ADGRG6: variants seen among roughly 807,000 people sequenced by gnomAD.
The protein encoded by ADGRG6 is G-protein coupled receptor 126.
In ADGRG6, 84 loss-of-function variants were observed where a neutral mutation model predicts 142.4. The ratio of observed to expected loss-of-function variants is 0.59; its 90% CI spans 0.49 to 0.71. The LOEUF (loss-of-function observed/expected upper bound fraction) is 0.71, where lower values mean the gene tolerates loss of function less well. Among genes scored for constraint, ADGRG6 ranks in the 30% least tolerant of loss-of-function variants. The pLI is 0.00. For missense variants in ADGRG6, 1,367 were observed against 1,466.6 expected (o/e 0.93, Z 1.11); for synonymous variants, 521 against 520.5 (o/e 1.00, Z -0.01).
Position 142,415,827 on chromosome 6 carries a change from T to C in ADGRG6, c.2701T>C (p.Leu901=), listed in dbSNP as rs759367680. The change falls in exon 20 of 25, where the codon TTG becomes CTG. Residue 901 remains leucine (L), a synonymous_variant. Transcript: ENST00000367609. ...KLRRDYPSKI[L]MNLSTALLFL... is the part of the protein sequence containing the mutation. Reference sequence around the variant, plus strand: ...GCGAAGGGATTATCCCTCCAAAATCTTGATGAACCTGAGCACAGCCCTGCT... The same window carrying C: ...GCGAAGGGATTATCCCTCCAAAATCCTGATGAACCTGAGCACAGCCCTGCT... 2 of 1,612,802 alleles carry C rather than the reference T, an allele frequency of 1.2e-6. No homozygotes were observed. Among genetic ancestry groups the C allele is most frequent in the East Asian group, 2.2e-5 (1 of 44,856 alleles).
rs976316061 is a variant in ADGRG6 at position 142,420,232 on chromosome 6, G to A, written c.3319+128G>A. On this transcript the variant is annotated intron_variant, in intron 22 of 24. Transcript: ENST00000367609. ...TTTCAAGTGCTGAATATAGTTCCATGTGCAGTGTGGTCACTTGTTAAAAGG... is the reference window on the plus strand; with the variant it reads ...TTTCAAGTGCTGAATATAGTTCCATATGCAGTGTGGTCACTTGTTAAAAGG... 8 of 710,184 alleles carry A rather than the reference G, an allele frequency of 1.1e-5. No individual in the cohort carries two copies. In the Admixed American group the frequency reaches 1.7e-4, roughly 15 times the overall value. The allele number at this position is 710,184 out of a possible 1,614,324, so 44.0% of individuals were successfully genotyped here. A position where few individuals can be genotyped will look rare whatever the true frequency, so the allele number is the denominator to read the frequency against.
At chr6:142,355,230 C>G (rs899067723) in intron 2 of ADGRG6, among the ~76,000 whole-genome samples, 8 of 151,540 alleles carry the variant, frequency 5.3e-5, no homozygotes, top group African/African-American at 1.9e-4. Flanking sequence ...TTCAATTTTT[C>G]CGTAAGATGG....
intron 2 of ADGRG6, among the ~76,000 whole-genome samples, chr6:142,329,153 A>G (rs1778920115): frequency 6.6e-6 from 1 of 152,126 alleles, no homozygotes; most frequent in South Asian, 2.1e-4. Context: ...AATGTTAGCT[A>G]TAGTTGTTAT....
chr6:142,318,509 A>G (rs1360680640), intron 2 of ADGRG6, among the ~76,000 whole-genome samples: 1 of 144,848 alleles, frequency 6.9e-6, no homozygotes, highest in East Asian at 2.0e-4. Context: ...AAGGAATTTT[A>G]GTGTTATTGG....
intron 4 of ADGRG6, among the ~76,000 whole-genome samples, chr6:142,381,699 G>A (rs1781779300): frequency 6.6e-6 from 1 of 151,976 alleles, no homozygotes; most frequent in Non-Finnish European, 1.5e-5. Flanking sequence ...AACTTTAAGG[G>A]GCAGTGGCAC....
At chr6:142,418,670 A>C (rs182847909) in intron 21 of ADGRG6, among the ~76,000 whole-genome samples, 57 of 152,262 alleles carry the variant, frequency 3.7e-4, no homozygotes, top group African/African-American at 1.4e-3. Flanking sequence ...TTTATTGATA[A>C]TTTACTGTAT....
chr6:142,379,204 TG>T (rs1781637024), intron 4 of ADGRG6, among the ~76,000 whole-genome samples: 1 of 152,226 alleles, frequency 6.6e-6, no homozygotes, highest in Non-Finnish European at 1.5e-5. Flanking sequence ...TACCAGTTTT[TG>T]AAGTTGGAAA....
intron 13 of ADGRG6, among the ~76,000 whole-genome samples, chr6:142,403,350 T>G (rs551997325): frequency 7.2e-5 from 11 of 152,288 alleles, no homozygotes; most frequent in Non-Finnish European, 1.6e-4. Context: ...CTTCTACATT[T>G]CTCTGAAGAA....
intron 2 of ADGRG6, among the ~76,000 whole-genome samples, chr6:142,339,208 A>T (rs755362464): frequency 9.2e-5 from 14 of 152,180 alleles, no homozygotes; most frequent in Non-Finnish European, 1.8e-4. Context: ...ATTCATAATC[A>T]CTTATCACGG....
rs12173993 is a variant in ADGRG6, at chr6:142,367,687, C to G, written c.222C>G (p.Pro74=). Residue 74 remains proline (P), a synonymous_variant, in exon 3 of 25, where the codon CCC becomes CCG. Coordinates refer to ENST00000367609, the MANE Select transcript of ADGRG6 (RefSeq NM_198569.3). ...SQACMWTLRA[P]TGYIIQITFN... ...CTTGCATGTGGACGCTCCGAGCCCC[C>G]ACCGGTTATATCATTCAGATAACAT... 8 of 1,613,834 alleles carry G rather than the reference C, an allele frequency of 5.0e-6. No homozygotes were observed. In the East Asian group the frequency reaches 1.8e-4, roughly 36 times the overall value.
intron 19 of ADGRG6, among the ~76,000 whole-genome samples, chr6:142,415,563 T>C (rs1396956198): frequency 2.0e-5 from 3 of 152,312 alleles, no homozygotes; most frequent in Non-Finnish European, 4.4e-5. Flanking sequence ...CAACTGGGAA[T>C]TGTATAAACA....
intron 14 of ADGRG6, among the ~76,000 whole-genome samples, chr6:142,404,459 G>A (rs1775696032): frequency 6.6e-6 from 1 of 151,864 alleles, no homozygotes; most frequent in South Asian, 2.1e-4. Context: ...TGGCCAACAT[G>A]GTAAACCCTG....
Position 142,302,151 on chromosome 6 carries a change from T to TGTAGA in ADGRG6, c.-179_-178insGTAGA. ...GCGCTGAACGCTGCCGCGCCCAGGG[T>TGTAGA]TCACCTTGCGCCGTCGGGAAAGCCC... On this transcript the variant is annotated 5_prime_UTR_variant, in exon 1 of 25. Transcript: ENST00000367609. The TGTAGA allele has an allele frequency of 1.6e-6, 1 of 632,916 alleles. No homozygotes were observed. Among genetic ancestry groups the TGTAGA allele is most frequent in the South Asian group, 2.2e-5 (1 of 45,588 alleles). The allele number at this position is 632,916 out of a possible 1,614,324, so 39.2% of individuals were successfully genotyped here.
intron 5 of ADGRG6, 136 bp downstream of exon 5, chr6:142,382,155 G>C: frequency 1.6e-6 from 1 of 626,110 alleles, no homozygotes. Context: ...AAGAATTTCT[G>C]CATGTGTTTT....
chr6:142,370,218 A>T lies in ADGRG6; in HGVS notation c.494A>T (p.Asp165Val), dbSNP rs1368389601. The change falls in exon 4 of 25, where the codon GAT (aspartate) becomes GTT (valine). Residue 165 changes from aspartate to valine, a missense_variant. Asp to Val is a radical substitution (Grantham distance 152). Transcript: ENST00000367609. ...NQKVILPQTS[D>V]AYQVSVAKSI... ...AAGGTCATTTTACCCCAGACATCAG[A>T]TGCTTACCAGGTATCTGTTGCAAAA... 2.5e-6 allele frequency: 4 copies of T among 1,609,416 alleles called. No individual in the cohort carries two copies. The highest frequency in any genetic ancestry group is 1.7e-5 in the Admixed American group (1 of 59,944).
intron 2 of ADGRG6, among the ~76,000 whole-genome samples, chr6:142,342,681 TATAAG>T (rs910500990): frequency 1.3e-4 from 20 of 152,116 alleles, no homozygotes; most frequent in Middle Eastern, 3.4e-3. Context: ...TTGCTAACCT[TATAAG>T]ATATTTAAAA....
intron 22 of ADGRG6, among the ~76,000 whole-genome samples, chr6:142,422,857 C>G (rs1466383149): frequency 1.5e-5 from 2 of 137,200 alleles, no homozygotes; most frequent in Non-Finnish European, 3.1e-5. Context: ...GATTGCCATT[C>G]TAACTGGTGT....
At chr6:142,417,414 C>A in intron 21 of ADGRG6, 45 bp downstream of exon 21, 1 of 846,244 alleles carries the variant, frequency 1.2e-6, no homozygotes, top group African/African-American at 1.7e-5. Context: ...TCCTTTGTTT[C>A]CTGAAGTTTA....
intron 6 of ADGRG6, among the ~76,000 whole-genome samples, chr6:142,388,038 A>G (rs905034917): frequency 7.2e-5 from 11 of 152,164 alleles, no homozygotes; most frequent in Admixed American, 1.3e-4. Context: ...CTTTACTGCT[A>G]TGGTAACATG....
Sources: gnomAD v4.1 joint callset for allele counts (sites outside exome capture counted in the v4.1 genomes callset) on GRCh38, gnomAD v4.1.1 for gene constraint, MANE v1.5 for transcripts, NCBI Gene and HGNC (gene_info 2026-07-23, HGNC 2026-07-21) for gene names.